ABCC4: variants seen among roughly 807,000 people sequenced by gnomAD.
ABCC4 encodes the protein ATP binding cassette subfamily C member 4 (PEL blood group).
Under a neutral mutation model 168.5 loss-of-function variants are expected in ABCC4, and 102 were observed. The observed-to-expected ratio is 0.61, with a 90% CI of 0.52 to 0.71. The LOEUF is 0.71. Ranked by LOEUF, ABCC4 falls within the 30% of genes least tolerant of loss-of-function variation. The pLI is 0.00. For missense variants in ABCC4, 1,402 were observed against 1,605.8 expected, an observed-to-expected ratio of 0.87 and a Z score of 2.17; for synonymous variants, 617 against 590.7, an observed-to-expected ratio of 1.04 and a Z score of -0.65.
rs9590182 is a variant in ABCC4 at position 95,096,408 on chromosome 13, G to A, written c.2536-13118C>T. ...TTAAGGAGTTAAAAGAGAAAGAAAA[G>A]AAAAGTGTATCAAAACATAAAGTAC... On this transcript the variant is annotated intron_variant, in intron 20 of 30. Transcript: ENST00000645237. 7.4e-3 allele frequency among the ~76,000 whole-genome samples: 1,118 copies of A among 152,040 alleles called. 8 individuals carry two copies. Among genetic ancestry groups the A allele is most frequent in the African/African-American group, 0.026 (1,073 of 41,494 alleles).
chr13:95,294,903 G>A (rs934161960), intron 1 of ABCC4, among the ~76,000 whole-genome samples: 1 of 152,050 alleles, frequency 6.6e-6, no homozygotes, highest in Admixed American at 6.6e-5. Flanking sequence ...GCAATGAGCC[G>A]AGATCACGCC....
intron 25 of ABCC4, among the ~76,000 whole-genome samples, chr13:95,064,260 GTATATATATATA>G (rs753635232): frequency 3.3e-4 from 7 of 21,508 alleles, no homozygotes; most frequent in African/African-American, 8.8e-4. Flanking sequence ...GTGTGTGTGT[GTATATATATATA>G]TATATATATA....
At chr13:95,176,951 T>C (rs1234746822) in intron 13 of ABCC4, among the ~76,000 whole-genome samples, 2 of 152,228 alleles carry the variant, frequency 1.3e-5, no homozygotes, top group African/African-American at 2.4e-5. Flanking sequence ...AGAGTAGTTC[T>C]ACCTCCATGG....
At chr13:95,129,510 T>C (rs982140136) in intron 19 of ABCC4, among the ~76,000 whole-genome samples, 2 of 152,220 alleles carry the variant, frequency 1.3e-5, no homozygotes, top group Non-Finnish European at 2.9e-5. Flanking sequence ...AGGACTAAGG[T>C]TGTAGGCTAT....
At position 95,247,768 on chromosome 13, in the gene ABCC4, A is replaced by C; in HGVS notation, c.75-15T>G. The C allele has an allele frequency of 1.9e-6, 3 of 1,594,350 alleles. No individual in the cohort carries two copies. Among genetic ancestry groups the C allele is most frequent in the Non-Finnish European group, 2.6e-6 (3 of 1,162,190 alleles). On this transcript the variant is annotated splice_polypyrimidine_tract_variant and intron_variant, in intron 1 of 30. Transcript: ENST00000645237. ...GATTGAGCCACCTGTTAACAAGAGA[A>C]AAGAGACATATATCCAGAATTACAC...
Position 95,176,274 on chromosome 13 carries a change from C to T in ABCC4, c.1727+1433G>A, listed in dbSNP as rs1035036420. Among the ~76,000 whole-genome samples the T allele has an allele frequency of 1.1e-4, 14 of 131,634 alleles. No individual in the cohort carries two copies. The East Asian group carries it at 2.5e-3, about 24-fold the overall frequency. The allele number at this position is 131,634 out of a possible 152,430, so 86.4% of individuals were successfully genotyped here. ...ATCCCTTGAGCCCAGGAGTTCGAGA[C>T]CAGCCTGGGCAACATAGGGAGACCA... On this transcript the variant is annotated intron_variant, in intron 13 of 30. Transcript: ENST00000645237.
chr13:95,218,954 AAAGAAAG>A (rs2138705354), intron 4 of ABCC4, among the ~76,000 whole-genome samples: 1 of 38,588 alleles, frequency 2.6e-5, no homozygotes, highest in South Asian at 5.0e-4. Context: ...AGAAAGAAAG[AAAGAAAG>A]AAAGAAAGAA....
intron 4 of ABCC4, among the ~76,000 whole-genome samples, chr13:95,218,387 C>T (rs1049297236): frequency 1.3e-5 from 2 of 152,176 alleles, no homozygotes; most frequent in South Asian, 2.1e-4. Context: ...AAGTCACATT[C>T]CTTCTCTAAT....
At chr13:95,056,121 C>T (rs965095869) in intron 26 of ABCC4, among the ~76,000 whole-genome samples, 9 of 152,144 alleles carry the variant, frequency 5.9e-5, no homozygotes, top group African/African-American at 2.2e-4. Context: ...AGACAAAAAT[C>T]GCATGGGGAG....
intron 19 of ABCC4, among the ~76,000 whole-genome samples, chr13:95,146,770 TA>T (rs2036513713): frequency 6.6e-6 from 1 of 152,202 alleles, no homozygotes; most frequent in African/African-American, 2.4e-5. Flanking sequence ...AGAAGTTTTA[TA>T]AGCTTAAGTT....
chr13:95,186,748 C>T lies in ABCC4; in HGVS notation c.1498G>A (p.Glu500Lys), dbSNP rs145886106. The part of the protein sequence containing the change: ...RSNILFGKKY[E>K]KERYEKVIKA... Reference sequence around the variant, plus strand: ...ATGACTTTTTCATATCGTTCCTTTTCGTATTTCTTCCCAAATAAAATATTA... The same window carrying T: ...ATGACTTTTTCATATCGTTCCTTTTTGTATTTCTTCCCAAATAAAATATTA... Residue 500 changes from glutamate (E) to lysine (K), a missense_variant, in exon 11 of 31, where the codon GAA becomes AAA. Coordinates refer to ENST00000645237, the MANE Select transcript of ABCC4 (RefSeq NM_005845.5). The T allele has an allele frequency of 6.8e-5, 109 of 1,614,060 alleles. No individual in the cohort carries two copies. In the African/African-American group the frequency reaches 1.2e-3, roughly 17 times the overall value.
At chr13:95,096,249 C>A (rs1190367104) in intron 20 of ABCC4, 4 of 548,332 alleles carry the variant, frequency 7.3e-6, no homozygotes, top group Non-Finnish European at 1.3e-5. Context: ...GAATCAATGA[C>A]CCTAAAGACA....
intron 30 of ABCC4, among the ~76,000 whole-genome samples, chr13:95,033,639 A>T (rs2031988289): frequency 6.6e-6 from 1 of 150,762 alleles, no homozygotes; most frequent in Non-Finnish European, 1.5e-5. Flanking sequence ...TAAATTCTTG[A>T]TTTGTCCTGA....
intron 1 of ABCC4, chr13:95,269,359 G>A (rs1291496612): frequency 4.4e-6 from 2 of 454,334 alleles, no homozygotes; most frequent in Non-Finnish European, 8.8e-6. Flanking sequence ...ACAGGAGGTG[G>A]AGGCTGCAGT....
At position 95,209,502 on chromosome 13, in the gene ABCC4, A is replaced by G. The variant is rs11568674; in HGVS notation, c.717T>C (p.Ala239=). ...LWMEIGISCL[A]GMAVLIILLP... ...GGAGAATGATTAGAACTGCCATCCC[A>G]GCAAGGCACGATATTCCTATCTCCA... Residue 239 remains alanine, a synonymous_variant, in exon 6 of 31, where the codon GCT becomes GCC. Transcript: ENST00000645237. 3 of 1,614,126 alleles carry G rather than the reference A, an allele frequency of 1.9e-6. No homozygotes were observed. The East Asian group carries it at 6.7e-5, about 36-fold the overall frequency.
Position 95,143,135 on chromosome 13 carries a change from C to T in ABCC4, c.2455+18054G>A, listed in dbSNP as rs190438956. On this transcript the variant is annotated intron_variant, in intron 19 of 30. Transcript: ENST00000645237. ...CTCTGAGCCCAAGCCAGGTTTGATACTGAACCATCAACATTACTAATATGG... is the reference window on the plus strand; with the variant it reads ...CTCTGAGCCCAAGCCAGGTTTGATATTGAACCATCAACATTACTAATATGG... Among the ~76,000 whole-genome samples, 39 of 152,288 alleles carry T rather than the reference C, an allele frequency of 2.6e-4. No individual in the cohort carries two copies. The East Asian group carries it at 7.3e-3, about 29-fold the overall frequency.
chr13:95,175,339 A>C (rs2037636786), intron 13 of ABCC4, among the ~76,000 whole-genome samples: 1 of 152,004 alleles, frequency 6.6e-6, no homozygotes, highest in African/African-American at 2.4e-5. Context: ...TTTGAGACAG[A>C]ATCTCACTCG....
chr13:95,164,413 A>G lies in ABCC4; in HGVS notation c.2140T>C (p.Phe714Leu), dbSNP rs903648957. 2.5e-6 allele frequency: 4 copies of G among 1,614,094 alleles called. No individual in the cohort carries two copies. In the African/African-American group the frequency reaches 5.3e-5, roughly 22 times the overall value. Residue 714 changes from phenylalanine (F) to leucine (L), a missense_variant, in exon 16 of 31, where the codon TTC becomes CTC. Around this residue, in one of 3 missense-constraint regions of ABCC4, gnomAD observed 1,007 missense variants for 1,127.3 expected, o/e 0.89. Coordinates refer to ENST00000645237, the MANE Select transcript of ABCC4 (RefSeq NM_005845.5). ...YFRAGAHWIVFIFLILLNTAA... is the reference protein window; with the variant it reads ...YFRAGAHWIVLIFLILLNTAA... The stretch of plus-strand genomic sequence containing the variant: ...GTGTTTAGGAGAATAAGGAAAATGA[A>G]GACAATCCAGTGAGCACCAGCTCTG...
At chr13:95,264,782 T>C (rs1191748725) in intron 1 of ABCC4, among the ~76,000 whole-genome samples, 1 of 152,122 alleles carries the variant, frequency 6.6e-6, no homozygotes, top group Non-Finnish European at 1.5e-5. Flanking sequence ...TTGGGTGTTC[T>C]ATAACTATGA....
Sources: gnomAD v4.1 joint callset for allele counts (sites outside exome capture counted in the v4.1 genomes callset) on GRCh38, gnomAD v4.1.1 for gene constraint, gnomAD v4.1.1 regional missense constraint, MANE v1.5 for transcripts, NCBI Gene and HGNC (gene_info 2026-07-23, HGNC 2026-07-21) for gene names.